The following LDLRAP1 variants were observed in gnomAD, a reference collection of about 807,000 sequenced individuals.
LDLRAP1 encodes low density lipoprotein receptor adaptor protein 1.
LDLRAP1 carries 30 observed loss-of-function variants against 37.8 expected under a neutral mutation model. The ratio of observed to expected loss-of-function variants is 0.79; its 90% confidence interval spans 0.59 to 1.08. The LOEUF (loss-of-function observed/expected upper bound fraction) is 1.08, where lower values mean the gene tolerates loss of function less well. Ranked by LOEUF, LDLRAP1 falls within the 50% of genes least tolerant of loss-of-function variation. The pLI, the probability that LDLRAP1 is intolerant of heterozygous loss-of-function variation, is 0.00. For missense variants in LDLRAP1, 375 were observed against 401.6 expected (o/e 0.93, Z 0.57); for synonymous variants, 156 against 169.8 (o/e 0.92, Z 0.63).
chr1:25,561,736 G>A (rs552654255), intron 4 of LDLRAP1, among the ~76,000 whole-genome samples: 7 of 152,336 alleles, frequency 4.6e-5, no homozygotes, highest in African/African-American at 1.7e-4. Flanking sequence ...AATGAGGCCT[G>A]CACCTCAGGT....
At chr1:25,586,204 T>C in the LDLRAP1 span, among the ~76,000 whole-genome samples, 1 of 152,184 alleles carries the variant, frequency 6.6e-6, no homozygotes, top group Non-Finnish European at 1.5e-5. This position sits in a 1 kb window ranked among gnomAD's most constrained non-coding sequence, Gnocchi z 4.3. Context: ...CCAGGGGCTC[T>C]CATGATAGGA....
At chr1:25,557,578 A>G (rs1216250084) in intron 4 of LDLRAP1, 1 of 450,972 alleles carries the variant, frequency 2.2e-6, no homozygotes, top group Non-Finnish European at 4.1e-6. Flanking sequence ...CCTGTCTTTA[A>G]TATGGTCTAG....
chr1:25,583,689 T>A, the LDLRAP1 span, among the ~76,000 whole-genome samples: 1 of 152,200 alleles, frequency 6.6e-6, no homozygotes, highest in Admixed American at 6.5e-5. Flanking sequence ...TTTCTCTTTG[T>A]CATCTCTTTC....
At chr1:25,586,248 GC>G in the LDLRAP1 span, among the ~76,000 whole-genome samples, 1 of 151,942 alleles carries the variant, frequency 6.6e-6, no homozygotes, top group Non-Finnish European at 1.5e-5. The surrounding 1 kb of genome is among the most constrained non-coding windows in gnomAD (Gnocchi z 4.3). Context: ...AAGAGAAAGC[GC>G]GACCAAGAAC....
chr1:25,562,840 C>A, intron 5 of LDLRAP1, 124 bp downstream of exon 5: 1 of 884,696 alleles, frequency 1.1e-6, no homozygotes, highest in Admixed American at 2.1e-5. Flanking sequence ...TGAGCAGGTC[C>A]CTTCACCGCT....
rs1397603511 is a variant in LDLRAP1, at chr1:25,544,771, C to A, written c.88+985C>A. Among the ~76,000 whole-genome samples, 2 of 152,212 alleles carry A rather than the reference C, an allele frequency of 1.3e-5. No homozygotes were observed. Among genetic ancestry groups the A allele is most frequent in the Admixed American group, 6.5e-5 (1 of 15,286 alleles). ...GTTTTGGAGCCAGAGCCCAGGACTG[C>A]TGCACACTCCCACCTCCCTGCCACC... On this transcript the variant is annotated intron_variant, in intron 1 of 8. Transcript: ENST00000374338. The surrounding 1 kb of genome is among the most constrained non-coding windows in gnomAD (Gnocchi z 4.8).
the LDLRAP1 span, among the ~76,000 whole-genome samples, chr1:25,574,482 C>CG: frequency 2.6e-5 from 4 of 152,156 alleles, no homozygotes; most frequent in Non-Finnish European, 4.4e-5. Context: ...GTTGTCTGAG[C>CG]GGGGGGCTTC....
chr1:25,572,940 C>T (rs1329287564), downstream of LDLRAP1, among the ~76,000 whole-genome samples: 2 of 152,290 alleles, frequency 1.3e-5, no homozygotes, highest in South Asian at 2.1e-4. Context: ...GCTGCAGTTC[C>T]GAGTGCAGCC....
At chr1:25,563,420 T>G (rs533479188) in intron 6 of LDLRAP1, among the ~76,000 whole-genome samples, 21 of 152,336 alleles carry the variant, frequency 1.4e-4, no homozygotes, top group Admixed American at 1.2e-3. Context: ...CATAGTATTG[T>G]GTGGTTGCTT....
chr1:25,582,315 G>A, the LDLRAP1 span, among the ~76,000 whole-genome samples: 43 of 152,248 alleles, frequency 2.8e-4, no homozygotes, highest in East Asian at 7.7e-4. Context: ...GTCTGGGCGT[G>A]GTGGCTCACG....
the LDLRAP1 span, among the ~76,000 whole-genome samples, chr1:25,582,062 G>A: frequency 6.6e-6 from 1 of 152,172 alleles, no homozygotes; most frequent in African/African-American, 2.4e-5. Context: ...GAACTTATCT[G>A]GGTTCTGGTC....
intron 4 of LDLRAP1, 54 bp downstream of exon 4, chr1:25,557,321 C>T: frequency 1.4e-6 from 2 of 1,409,238 alleles, no homozygotes; most frequent in East Asian, 4.6e-5. Context: ...GGCAGCCTTG[C>T]TCTGGGTGGG....
chr1:25,543,622 G>T lies in LDLRAP1; in HGVS notation c.-77G>T. 2 of 1,040,972 alleles carry T rather than the reference G, an allele frequency of 1.9e-6. 1 individual carries two copies. The highest frequency in any genetic ancestry group is 7.2e-4 in the Middle Eastern group (2 of 2,790). The allele number at this position is 1,040,972 out of a possible 1,614,324, so 64.5% of individuals were successfully genotyped here. A position where few individuals can be genotyped will look rare whatever the true frequency, so the allele number is the denominator to read the frequency against. On this transcript the variant is annotated 5_prime_UTR_variant, in exon 1 of 9. Transcript: ENST00000374338. ...GGGAGGGGAGGAGCGCGCAGCCCGC[G>T]CGCCGCAGGGCCGGGCGGAAAGTTT...
At chr1:25,559,042 CT>C (rs759588219) in intron 4 of LDLRAP1, among the ~76,000 whole-genome samples, 1 of 152,186 alleles carries the variant, frequency 6.6e-6, no homozygotes, top group Non-Finnish European at 1.5e-5. Context: ...GCCCCGGGTT[CT>C]TTTGAACACC....
At chr1:25,547,809 A>C (rs577903300) in intron 1 of LDLRAP1, among the ~76,000 whole-genome samples, 61 of 152,344 alleles carry the variant, frequency 4.0e-4, no homozygotes, top group African/African-American at 1.4e-3. Context: ...CCCTCTGAGA[A>C]GGTGACTCGG....
chr1:25,564,615 G>A (rs1232792906), intron 7 of LDLRAP1: 11 of 155,598 alleles, frequency 7.1e-5, no homozygotes, highest in Admixed American at 6.9e-4. Flanking sequence ...CTGCTGTTTG[G>A]GAACCACCCT....
intron 4 of LDLRAP1, among the ~76,000 whole-genome samples, chr1:25,557,771 T>G (rs1437533400): frequency 6.6e-6 from 1 of 152,086 alleles, no homozygotes; most frequent in Non-Finnish European, 1.5e-5. Flanking sequence ...TGGAGGACAG[T>G]GACCGTCTCT....
intron 4 of LDLRAP1, among the ~76,000 whole-genome samples, chr1:25,560,040 G>C (rs2044306408): frequency 6.7e-6 from 1 of 149,812 alleles, no homozygotes; most frequent in Non-Finnish European, 1.5e-5. Flanking sequence ...AGGCTGAGGA[G>C]CCAGGAGGAG....
intron 1 of LDLRAP1, among the ~76,000 whole-genome samples, chr1:25,547,596 G>A (rs1173224467): frequency 2.6e-5 from 4 of 152,074 alleles, no homozygotes; most frequent in Non-Finnish European, 5.9e-5. Flanking sequence ...AGTGTAGAAC[G>A]TGCTCTTCAG....
Sources: gnomAD v4.1 joint callset for allele counts (sites outside exome capture counted in the v4.1 genomes callset) on GRCh38, gnomAD v4.1.1 for gene constraint, Gnocchi (gnomAD v3.1) non-coding constraint, MANE v1.5 for transcripts, NCBI Gene and HGNC (gene_info 2026-07-23, HGNC 2026-07-21) for gene names.